RAD51B: variants seen among roughly 807,000 people sequenced by gnomAD.
RAD51B encodes the protein DNA repair protein RAD51 homolog 2.
In RAD51B, 38 loss-of-function variants were observed where a neutral mutation model predicts 42.2. The observed-to-expected ratio is 0.90, with a 90% CI of 0.70 to 1.18. The LOEUF is 1.18. RAD51B is among the 50% of genes most tolerant of loss of function. The probability of loss-of-function intolerance (pLI) is 0.00; values close to 1 mark genes in which losing one functional copy is unlikely to be tolerated. For missense variants in RAD51B, 373 were observed against 400.7 expected, an observed-to-expected ratio of 0.93 and a Z score of 0.59; for synonymous variants, 154 against 145.2, an observed-to-expected ratio of 1.06 and a Z score of -0.43.
At chr14:68,167,417 A>G (rs1039047364) in intron 7 of RAD51B, among the ~76,000 whole-genome samples, 1 of 152,136 alleles carries the variant, frequency 6.6e-6, no homozygotes, top group Non-Finnish European at 1.5e-5. Flanking sequence ...GTTCCTATAA[A>G]ACCTATAGCA....
At chr14:67,997,205 C>A (rs1319506267) in intron 7 of RAD51B, among the ~76,000 whole-genome samples, 1 of 151,752 alleles carries the variant, frequency 6.6e-6, no homozygotes, top group Non-Finnish European at 1.5e-5. Flanking sequence ...GTATTTGAAA[C>A]AAAAAACTAG....
chr14:68,105,789 T>G (rs2077367339), intron 7 of RAD51B, among the ~76,000 whole-genome samples: 1 of 151,960 alleles, frequency 6.6e-6, no homozygotes, highest in African/African-American at 2.4e-5. Context: ...CACTTTTGTT[T>G]GGTGAAACAA....
intron 7 of RAD51B, among the ~76,000 whole-genome samples, chr14:68,169,247 G>T (rs954431570): frequency 2.0e-5 from 3 of 152,126 alleles, no homozygotes; most frequent in African/African-American, 7.2e-5. Flanking sequence ...GGAGGATACA[G>T]TATAAAAGGG....
At chr14:68,650,583 G>C (rs1368055865) in intron 10 of RAD51B, among the ~76,000 whole-genome samples, 2 of 152,194 alleles carry the variant, frequency 1.3e-5, no homozygotes, top group African/African-American at 2.4e-5. Flanking sequence ...AGAACCTGGG[G>C]ATGAGCCAAG....
At chr14:68,031,725 C>T (rs2076046566) in intron 7 of RAD51B, among the ~76,000 whole-genome samples, 1 of 152,164 alleles carries the variant, frequency 6.6e-6, no homozygotes, top group Non-Finnish European at 1.5e-5. Context: ...ATTTTCCACT[C>T]TTCTCAAACA....
intron 7 of RAD51B, among the ~76,000 whole-genome samples, chr14:68,131,242 A>AAACTGTATACT (rs1413750502): frequency 6.6e-6 from 1 of 152,234 alleles, no homozygotes; most frequent in East Asian, 1.9e-4. Context: ...TTTTAAAAGT[A>AAACTGTATACT]AACTGTATAC....
At chr14:68,605,515 C>T (rs1267828628) in intron 10 of RAD51B, among the ~76,000 whole-genome samples, 1 of 152,232 alleles carries the variant, frequency 6.6e-6, no homozygotes, top group Non-Finnish European at 1.5e-5. Flanking sequence ...AACAGTTTAA[C>T]AAGAAGGGAA....
At chr14:68,509,018 T>C (rs569682157) in intron 10 of RAD51B, among the ~76,000 whole-genome samples, 2 of 152,288 alleles carry the variant, frequency 1.3e-5, no homozygotes, top group South Asian at 4.1e-4. Context: ...TAGAAGTGCC[T>C]GAAGGCAAGA....
At chr14:67,992,028 A>G (rs1443245566) in intron 7 of RAD51B, among the ~76,000 whole-genome samples, 2 of 151,524 alleles carry the variant, frequency 1.3e-5, no homozygotes, top group African/African-American at 4.9e-5. Flanking sequence ...GTTTCTTTCA[A>G]AAAAATGCAT....
intron 7 of RAD51B, among the ~76,000 whole-genome samples, chr14:67,922,763 C>T (rs2044369054): frequency 6.6e-6 from 1 of 150,498 alleles, no homozygotes; most frequent in African/African-American, 2.5e-5. Context: ...ATGATCTGGG[C>T]TCACTACAAC....
chr14:68,041,603 C>G (rs2076218827), intron 7 of RAD51B, among the ~76,000 whole-genome samples: 2 of 151,782 alleles, frequency 1.3e-5, no homozygotes, highest in East Asian at 3.9e-4. Context: ...CCAGCAGCCA[C>G]AGGTCAAGTT....
At chr14:68,205,837 G>T (rs2079574055) in intron 7 of RAD51B, among the ~76,000 whole-genome samples, 1 of 152,018 alleles carries the variant, frequency 6.6e-6, no homozygotes, top group African/African-American at 2.4e-5. Context: ...AAATACTTCG[G>T]TGTGGTATTT....
intron 8 of RAD51B, among the ~76,000 whole-genome samples, chr14:68,394,466 C>T (rs976066620): frequency 7.9e-5 from 12 of 152,114 alleles, no homozygotes; most frequent in African/African-American, 2.7e-4. Context: ...CTGAAACTGA[C>T]TCTTGGATTC....
rs553558875 is a variant in RAD51B, at chr14:68,661,056, G to A, written c.*11+10200G>A. On this transcript the variant is annotated intron_variant, in intron 11 of 11. Coordinates refer to the RAD51B transcript ENST00000488612. Reference sequence around the variant, plus strand: ...GCTTGAGCGGAGCTGCAGCCACAGAGGAAGGCCAGCCATTTAGGAAGCAGT... The same window carrying A: ...GCTTGAGCGGAGCTGCAGCCACAGAAGAAGGCCAGCCATTTAGGAAGCAGT... 2.0e-5 allele frequency among the ~76,000 whole-genome samples: 3 copies of A among 152,342 alleles called. No homozygotes were observed. In the South Asian group the frequency reaches 6.2e-4, roughly 32 times the overall value.
At chr14:68,008,796 A>G (rs1473169282) in intron 7 of RAD51B, among the ~76,000 whole-genome samples, 1 of 152,020 alleles carries the variant, frequency 6.6e-6, no homozygotes, top group Admixed American at 6.6e-5. Flanking sequence ...AAATAGTGTC[A>G]ATGAGTCCTG....
intron 7 of RAD51B, among the ~76,000 whole-genome samples, chr14:68,237,142 C>G (rs2080275964): frequency 6.6e-6 from 1 of 152,136 alleles, no homozygotes; most frequent in Admixed American, 6.5e-5. Flanking sequence ...AATTTTTTTG[C>G]TGTGGAGCCA....
chr14:67,986,685 A>G (rs1015011239), intron 7 of RAD51B, among the ~76,000 whole-genome samples: 1 of 152,220 alleles, frequency 6.6e-6, no homozygotes, highest in Non-Finnish European at 1.5e-5. Context: ...TCAAATAAGC[A>G]TAGTTGTAAG....
intron 7 of RAD51B, among the ~76,000 whole-genome samples, chr14:68,203,584 G>C (rs1175450179): frequency 6.6e-6 from 1 of 152,180 alleles, no homozygotes; most frequent in Admixed American, 6.5e-5. Flanking sequence ...CCTACCGAGA[G>C]AGTCAGCCTG....
chr14:68,043,827 C>G (rs1046716348), intron 7 of RAD51B, among the ~76,000 whole-genome samples: 4 of 152,138 alleles, frequency 2.6e-5, no homozygotes, highest in Non-Finnish European at 4.4e-5. Context: ...GTTTGAAAGC[C>G]AAATTGCCAA....
Sources: allele counts gnomAD v4.1 joint callset (sites outside exome capture counted in the v4.1 genomes callset), GRCh38; gene constraint gnomAD v4.1.1; transcripts MANE v1.5; gene names NCBI Gene and HGNC (gene_info 2026-07-23, HGNC 2026-07-21).